The following TLL1 variants were observed in gnomAD, a reference collection of about 807,000 sequenced individuals.
TLL1 encodes tolloid-like protein 1.
In TLL1, 49 loss-of-function variants were observed where a neutral mutation model predicts 128.2. The ratio of observed to expected loss-of-function variants is 0.38; its 90% CI spans 0.30 to 0.48. TLL1 has a LOEUF of 0.48. TLL1 is among the 20% of genes least tolerant of loss of function. The probability of loss-of-function intolerance (pLI) is 0.96; values close to 1 mark genes in which losing one functional copy is unlikely to be tolerated. For synonymous variants in TLL1, 454 were observed against 418.8 expected (o/e 1.08, Z -1.03); for missense variants, 1,123 against 1,242.0 (o/e 0.90, Z 1.44).
chr4:166,063,280 A>G (rs1046396768), intron 15 of TLL1, among the ~76,000 whole-genome samples: 2 of 152,164 alleles, frequency 1.3e-5, no homozygotes, highest in African/African-American at 4.8e-5. Context: ...GCAAATCAAA[A>G]CCACAATGAG....
Position 166,068,557 on chromosome 4 carries a change from A to G in TLL1, c.2188+2694A>G, listed in dbSNP as rs1503288. ...AAACTCACTATGGGGGCTTTGATAA[A>G]CTTCGTTACTGGATTTATTGTCACA... On this transcript the variant is annotated intron_variant, in intron 16 of 20. Transcript: ENST00000061240. Among the ~76,000 whole-genome samples the G allele has an allele frequency of 7.2e-3, 1,101 of 151,934 alleles. 18 individuals carry two copies. Among genetic ancestry groups the G allele is most frequent in the East Asian group, 0.058 (299 of 5,156 alleles).
intron 9 of TLL1, among the ~76,000 whole-genome samples, chr4:166,032,114 A>G (rs996110891): frequency 2.0e-5 from 3 of 152,090 alleles, no homozygotes; most frequent in Admixed American, 6.6e-5. Context: ...AATCAAAATA[A>G]TCAACCAAAA....
chr4:166,008,851 A>G (rs1352014646), intron 7 of TLL1, among the ~76,000 whole-genome samples: 2 of 149,638 alleles, frequency 1.3e-5, no homozygotes. Flanking sequence ...ATTGACATCT[A>G]TTTCTGAAGG....
chr4:165,906,348 C>G (rs772990514), intron 1 of TLL1, among the ~76,000 whole-genome samples: 13 of 152,136 alleles, frequency 8.5e-5, no homozygotes, highest in Non-Finnish European at 1.2e-4. Flanking sequence ...CTCTTAATAA[C>G]CTTATAAGGT....
At chr4:166,087,188 T>C (rs1741560887) in intron 18 of TLL1, among the ~76,000 whole-genome samples, 1 of 152,184 alleles carries the variant, frequency 6.6e-6, no homozygotes, top group Non-Finnish European at 1.5e-5. Context: ...TTCAATAAGC[T>C]AATGTGCTTC....
At chr4:165,965,862 A>G (rs1349772528) in intron 1 of TLL1, among the ~76,000 whole-genome samples, 1 of 152,132 alleles carries the variant, frequency 6.6e-6, no homozygotes, top group Non-Finnish European at 1.5e-5. Context: ...TGGTAGCATG[A>G]AGGACATTGA....
intron 1 of TLL1, among the ~76,000 whole-genome samples, chr4:165,946,983 T>C (rs964876245): frequency 2.4e-4 from 37 of 152,208 alleles, no homozygotes; most frequent in African/African-American, 8.9e-4. Flanking sequence ...GTGATGAACT[T>C]GGATATTAAG....
At chr4:165,932,023 T>C (rs1404865217) in intron 1 of TLL1, among the ~76,000 whole-genome samples, 3 of 152,108 alleles carry the variant, frequency 2.0e-5, no homozygotes, top group African/African-American at 7.2e-5. Context: ...GACAAGTAGG[T>C]GATAAGCAGA....
intron 1 of TLL1, among the ~76,000 whole-genome samples, chr4:165,961,635 G>C (rs1735110003): frequency 6.6e-6 from 1 of 152,112 alleles, no homozygotes; most frequent in African/African-American, 2.4e-5. Context: ...AAGACCAGTG[G>C]AATAGAGCAG....
At chr4:166,036,705 T>C (rs17047208) in intron 9 of TLL1, among the ~76,000 whole-genome samples, 26,088 of 151,926 alleles carry the variant, frequency 0.17, 2,881 homozygotes, top group African/African-American at 0.32. Context: ...AGGCCAGTTA[T>C]GTTCCTCCAT....
intron 1 of TLL1, chr4:165,919,717 G>T (rs553581527): frequency 5.6e-5 from 24 of 427,600 alleles, no homozygotes; most frequent in African/African-American, 4.7e-4. Context: ...TGCTGTGGCG[G>T]GATAATGTTG....
chr4:165,989,589 A>AC, intron 2 of TLL1, 98 bp downstream of exon 2: 1 of 850,694 alleles, frequency 1.2e-6, no homozygotes, highest in East Asian at 2.4e-5. Context: ...TCTCCTGTTG[A>AC]TCAACTCTGA....
chr4:166,034,068 A>T (rs1410638843), intron 9 of TLL1, among the ~76,000 whole-genome samples: 1 of 152,216 alleles, frequency 6.6e-6, no homozygotes, highest in South Asian at 2.1e-4. Context: ...AGCAATTACT[A>T]TTAAATTATT....
chr4:166,076,631 A>G (rs1267741076), intron 17 of TLL1, among the ~76,000 whole-genome samples: 1 of 152,148 alleles, frequency 6.6e-6, no homozygotes, highest in African/African-American at 2.4e-5. Context: ...TTTAGCAATG[A>G]GCCTCTCAAC....
At chr4:165,928,060 T>C (rs1733353706) in intron 1 of TLL1, among the ~76,000 whole-genome samples, 1 of 152,096 alleles carries the variant, frequency 6.6e-6, no homozygotes, top group Admixed American at 6.6e-5. Flanking sequence ...TTGTACAGAG[T>C]GGAAAGGGAG....
At chr4:166,013,046 T>G (rs936229966) in intron 7 of TLL1, among the ~76,000 whole-genome samples, 6 of 151,782 alleles carry the variant, frequency 4.0e-5, no homozygotes, top group African/African-American at 1.4e-4. Context: ...TCCTCTCATT[T>G]CTGAGCTGTT....
At chr4:165,981,431 T>C (rs1736145656) in intron 1 of TLL1, among the ~76,000 whole-genome samples, 1 of 152,100 alleles carries the variant, frequency 6.6e-6, no homozygotes, top group Non-Finnish European at 1.5e-5. Flanking sequence ...ACAGAGTTGA[T>C]AAGCTTTGAG....
intron 1 of TLL1, among the ~76,000 whole-genome samples, chr4:165,967,514 G>T (rs1454283902): frequency 6.6e-6 from 1 of 152,208 alleles, no homozygotes; most frequent in Non-Finnish European, 1.5e-5. Flanking sequence ...ATGTTCTTCT[G>T]CCATGGCTTT....
chr4:166,016,568 CT>C (rs1737960189), intron 8 of TLL1, among the ~76,000 whole-genome samples: 1 of 151,890 alleles, frequency 6.6e-6, no homozygotes, highest in Non-Finnish European at 1.5e-5. Context: ...ATAGTTTCTA[CT>C]TTAGATTTCA....
Sources: allele counts gnomAD v4.1 joint callset (sites outside exome capture counted in the v4.1 genomes callset), GRCh38; gene constraint gnomAD v4.1.1; transcripts MANE v1.5; gene names NCBI Gene and HGNC (gene_info 2026-07-23, HGNC 2026-07-21).